Variants in YAF2 observed in about 807,000 individuals in gnomAD.
The protein encoded by YAF2 is YY1-associated factor 2.
A neutral mutation model predicts 20.1 loss-of-function variants in YAF2; 7 were observed. The observed-to-expected ratio is 0.35, with a 90% CI of 0.20 to 0.65. YAF2 has a LOEUF of 0.65. Among genes scored for constraint, YAF2 ranks in the 30% least tolerant of loss-of-function variants. The pLI is 0.69. For missense variants in YAF2, 151 were observed against 219.2 expected, an observed-to-expected ratio of 0.69 and a Z score of 1.96; for synonymous variants, 74 against 76.0, an observed-to-expected ratio of 0.97 and a Z score of 0.14.
intron 3 of YAF2, chr12:42,161,036 A>C: frequency 2.0e-6 from 1 of 510,416 alleles, no homozygotes; most frequent in Non-Finnish European, 3.4e-6. Context: ...AATGCAACCA[A>C]AAAACTGTGA....
intron 2 of YAF2, among the ~76,000 whole-genome samples, chr12:42,228,772 C>T (rs1235377103): frequency 2.5e-3 from 139 of 54,892 alleles, no homozygotes; most frequent in African/African-American, 0.018. Flanking sequence ...CCAGCCGCCC[C>T]GTCCGGGAGG....
In YAF2 at chr12:42,157,785, T is replaced by C. The variant is rs2065733412; in HGVS notation, c.*2804A>G. The C allele has an allele frequency of 6.6e-6, 1 of 151,534 alleles. No individual in the cohort carries two copies. Among genetic ancestry groups the C allele is most frequent in the Admixed American group, 6.6e-5 (1 of 15,212 alleles). 9.4% of individuals were successfully genotyped at this position (151,534 alleles called of 1,614,324 possible). Reference sequence around the variant, plus strand: ...TATTCACTTTTTAAATATACATATATATATATATGTATATTCAAATTTTTT... The same window carrying C: ...TATTCACTTTTTAAATATACATATACATATATATGTATATTCAAATTTTTT... On this transcript the variant is annotated 3_prime_UTR_variant, in exon 4 of 4. Coordinates refer to ENST00000534854, the MANE Select transcript of YAF2 (RefSeq NM_005748.6).
At chr12:42,176,989 C>T (rs1406332010) in intron 2 of YAF2, among the ~76,000 whole-genome samples, 1 of 152,006 alleles carries the variant, frequency 6.6e-6, no homozygotes, top group African/African-American at 2.4e-5. Flanking sequence ...AAATAACATC[C>T]CTCAATTGTT....
intron 2 of YAF2, among the ~76,000 whole-genome samples, chr12:42,165,095 G>C (rs2065882578): frequency 6.7e-6 from 1 of 149,522 alleles, no homozygotes; most frequent in Non-Finnish European, 1.5e-5. Context: ...GAAACTACTT[G>C]TTTGATAAAT....
intron 2 of YAF2, among the ~76,000 whole-genome samples, chr12:42,203,189 C>T (rs2066946533): frequency 6.6e-6 from 1 of 151,842 alleles, no homozygotes; most frequent in African/African-American, 2.4e-5. Flanking sequence ...ATAGTATATC[C>T]TGCCTTTTAT....
chr12:42,228,156 C>T (rs2067816890), intron 2 of YAF2, among the ~76,000 whole-genome samples: 3 of 38,534 alleles, frequency 7.8e-5, no homozygotes, highest in African/African-American at 1.6e-4. Flanking sequence ...TGGGGGGGGT[C>T]GGCCCCCCGC....
At chr12:42,185,776 G>A (rs2066457300) in intron 2 of YAF2, among the ~76,000 whole-genome samples, 1 of 152,120 alleles carries the variant, frequency 6.6e-6, no homozygotes, top group Non-Finnish European at 1.5e-5. Flanking sequence ...ACTACAGAAT[G>A]GTGTAAACAT....
At chr12:42,171,016 A>T (rs1478955765) in intron 2 of YAF2, among the ~76,000 whole-genome samples, 1 of 152,118 alleles carries the variant, frequency 6.6e-6, no homozygotes, top group Admixed American at 6.6e-5. Flanking sequence ...GTTTTTAGAC[A>T]GAGTGAAACT....
intron 2 of YAF2, among the ~76,000 whole-genome samples, chr12:42,213,658 T>C (rs1296908376): frequency 6.6e-6 from 1 of 152,220 alleles, no homozygotes; most frequent in African/African-American, 2.4e-5. Context: ...ATTCCTCTAT[T>C]ACATTTCAAC....
chr12:42,214,206 A>G (rs996809058), intron 2 of YAF2, among the ~76,000 whole-genome samples: 1 of 152,208 alleles, frequency 6.6e-6, no homozygotes, highest in Non-Finnish European at 1.5e-5. Flanking sequence ...TCTTTGCTCA[A>G]TGTAAAACAA....
At position 42,212,752 on chromosome 12, in the gene YAF2, A is replaced by G. The variant is rs112167299; in HGVS notation, c.152+24847T>C. Among the ~76,000 whole-genome samples, 805 of 152,338 alleles carry G rather than the reference A, an allele frequency of 5.3e-3. 12 individuals carry two copies. The highest frequency in any genetic ancestry group is 0.018 in the African/African-American group (766 of 41,582). ...CTGTGATAGATTCTTACTTAAATTT[A>G]AGATACAAATTGCCTTGGGTAAATG... On this transcript the variant is annotated intron_variant, in intron 2 of 3. Transcript: ENST00000534854.
chr12:42,175,748 A>AAAAAAAAAAAAAAAAAAAAAAAAAAAT (rs2066171063), intron 2 of YAF2, among the ~76,000 whole-genome samples: 1 of 88,248 alleles, frequency 1.1e-5, no homozygotes, highest in Non-Finnish European at 2.4e-5. Flanking sequence ...CTCAAAAAAA[A>AAAAAAAAAAAAAAAAAAAAAAAAAAAT]AAAAAAAAAA....
chr12:42,221,913 A>C (rs1213556073), intron 2 of YAF2, among the ~76,000 whole-genome samples: 3 of 152,214 alleles, frequency 2.0e-5, no homozygotes, highest in Admixed American at 1.3e-4. Context: ...GTCTATCATT[A>C]AGGTTTCAAG....
intron 2 of YAF2, among the ~76,000 whole-genome samples, chr12:42,164,674 C>A (rs996873446): frequency 7.6e-5 from 11 of 144,382 alleles, no homozygotes; most frequent in African/African-American, 2.3e-4. Context: ...TAAATCTCAT[C>A]AAAAAAAAAA....
chr12:42,200,207 C>A (rs984816185), intron 2 of YAF2, among the ~76,000 whole-genome samples: 1 of 152,192 alleles, frequency 6.6e-6, no homozygotes, highest in Admixed American at 6.5e-5. Context: ...TATTTCACTG[C>A]CTGCTTCCCG....
intron 2 of YAF2, among the ~76,000 whole-genome samples, chr12:42,176,090 T>C (rs988757775): frequency 6.6e-6 from 1 of 151,528 alleles, no homozygotes; most frequent in Non-Finnish European, 1.5e-5. Flanking sequence ...CTACTAAAAA[T>C]ACAAAATTTG....
intron 2 of YAF2, among the ~76,000 whole-genome samples, chr12:42,216,341 A>T (rs578095461): frequency 6.6e-6 from 1 of 152,300 alleles, no homozygotes; most frequent in South Asian, 2.1e-4. Flanking sequence ...TACTACATGG[A>T]ACTTGAGAGA....
At chr12:42,234,725 T>G in intron 2 of YAF2, 1 of 984,250 alleles carries the variant, frequency 1.0e-6, no homozygotes, top group East Asian at 1.1e-4. Context: ...TGGTGGCTCA[T>G]TCCTATAATC....
At chr12:42,202,249 T>C (rs1592237297) in intron 2 of YAF2, among the ~76,000 whole-genome samples, 1 of 152,346 alleles carries the variant, frequency 6.6e-6, no homozygotes, top group East Asian at 1.9e-4. Flanking sequence ...CCTGTACTAA[T>C]ACTATACTTC....
Sources: gnomAD v4.1 joint callset for allele counts (sites outside exome capture counted in the v4.1 genomes callset) on GRCh38, gnomAD v4.1.1 for gene constraint, MANE v1.5 for transcripts, NCBI Gene and HGNC (gene_info 2026-07-23, HGNC 2026-07-21) for gene names.